The following MPHOSPH9 variants were observed in gnomAD, a reference collection of about 807,000 sequenced individuals.
MPHOSPH9 encodes M-phase phosphoprotein 9.
MPHOSPH9 carries 88 observed loss-of-function variants against 145.5 expected under a neutral mutation model. That is an observed-to-expected ratio of 0.60 (90% CI 0.51 to 0.72). The LOEUF (loss-of-function observed/expected upper bound fraction) is 0.72. Among genes scored for constraint, MPHOSPH9 ranks in the 30% least tolerant of loss-of-function variants. The pLI is 0.00. For synonymous variants in MPHOSPH9, 435 were observed against 486.2 expected (o/e 0.89, Z 1.39); for missense variants, 1,238 against 1,386.6 (o/e 0.89, Z 1.70).
chr12:123,233,434 G>A (rs1267801716), upstream of MPHOSPH9: 1 of 152,314 alleles, frequency 6.6e-6, no homozygotes, highest in Non-Finnish European at 1.5e-5. Context: ...TCGGAGTACG[G>A]CGCGTGCGCA....
At chr12:123,175,173 CG>C (rs1565910580) in intron 16 of MPHOSPH9, among the ~76,000 whole-genome samples, 1 of 150,324 alleles carries the variant, frequency 6.7e-6, no homozygotes, top group Non-Finnish European at 1.5e-5. Context: ...TTTTCTGAGA[CG>C]GAGTCTTGCT....
Position 123,194,433 on chromosome 12 carries a change from C to G in MPHOSPH9, c.2194G>C (p.Asp732His), listed in dbSNP as rs767434261. The change falls in exon 13 of 24, where the codon GAT becomes CAT. Residue 732 changes from aspartate (D) to histidine (H), a missense_variant. By Grantham distance (81) the Asp-to-His change is moderately conservative (BLOSUM62 -1). Around this residue, in one of 3 missense-constraint regions of MPHOSPH9, gnomAD observed 837 missense variants for 897.5 expected, o/e 0.93. Transcript: ENST00000606320. The part of the protein sequence containing the change: ...EAFENAYKLS[D>H]DKEAQLKQEN... ...TGTTTTAGTTGAGCTTCTTTATCAT[C>G]TGAGAGTTTGTAAGCATTCTCAAAT... is the stretch of plus-strand genomic sequence containing the variant. 1 of 1,608,052 alleles carries G rather than the reference C, an allele frequency of 6.2e-7. No homozygotes were observed. The highest frequency in any genetic ancestry group is 8.5e-7 in the Non-Finnish European group (1 of 1,177,994).
chr12:123,197,232 C>G (rs1201291354), intron 12 of MPHOSPH9, among the ~76,000 whole-genome samples: 1 of 151,600 alleles, frequency 6.6e-6, no homozygotes, highest in Non-Finnish European at 1.5e-5. Context: ...GCCCAGGCTA[C>G]AGTGCTGTGG....
chr12:123,230,636 A>G (rs769961365), intron 1 of MPHOSPH9, 114 bp from the exon 2 acceptor site: 4 of 278,418 alleles, frequency 1.4e-5, no homozygotes, highest in Non-Finnish European at 2.0e-5. Context: ...CATTAAGGAT[A>G]GCAACAGTAT....
intron 5 of MPHOSPH9, among the ~76,000 whole-genome samples, chr12:123,220,262 G>C (rs1326547779): frequency 6.6e-6 from 1 of 151,594 alleles, no homozygotes; most frequent in Non-Finnish European, 1.5e-5. Flanking sequence ...CTAGAAAAAA[G>C]AAAATAAAAA....
In MPHOSPH9 at chr12:123,159,056, G is replaced by A. The variant is rs940380035; in HGVS notation, c.3450+1725C>T. Among the ~76,000 whole-genome samples, 4 of 152,114 alleles carry A rather than the reference G, an allele frequency of 2.6e-5. No homozygotes were observed. The highest frequency in any genetic ancestry group is 4.8e-5 in the African/African-American group (2 of 41,422). ...CAGTGAGCCGAGATTGCGTCACTGC[G>A]CTCCAGCCTGGTGACACAGCGAGAC... is the stretch of plus-strand genomic sequence containing the variant. On this transcript the variant is annotated intron_variant, in intron 23 of 23. Coordinates refer to ENST00000606320, the MANE Select transcript of MPHOSPH9 (RefSeq NM_022782.4). This position sits in a 1 kb window ranked among gnomAD's most constrained non-coding sequence, Gnocchi z 4.3.
At chr12:123,160,750 T>C (rs2044070157) in intron 23 of MPHOSPH9, 31 bp downstream of exon 23, 1 of 1,603,830 alleles carries the variant, frequency 6.2e-7, no homozygotes, top group South Asian at 1.1e-5. Flanking sequence ...GCATCAAGCC[T>C]CTAAAGCAGA....
rs1489640945 is a variant in MPHOSPH9 at position 123,202,927 on chromosome 12, A to G, written c.1478T>C (p.Phe493Ser). The G allele has an allele frequency of 1.9e-6, 3 of 1,614,220 alleles. No homozygotes were observed. Among genetic ancestry groups the G allele is most frequent in the Admixed American group, 3.3e-5 (2 of 60,008 alleles). ...AGAAGTGACATTACTTGCTTGTGAAAATGAGTCTATGTCAGAGGGACTAGA... is the reference window on the plus strand; with the variant it reads ...AGAAGTGACATTACTTGCTTGTGAAGATGAGTCTATGTCAGAGGGACTAGA... Reference protein sequence around the residue: ...SMSSPSDIDSFSQASNVTSQL... With the variant: ...SMSSPSDIDSSSQASNVTSQL... Residue 493 changes from phenylalanine (F) to serine (S), a missense_variant, in exon 10 of 24, where the codon TTT becomes TCT. Physicochemically the swap from Phe to Ser is radical, Grantham distance 155. Around this residue, in one of 3 missense-constraint regions of MPHOSPH9, gnomAD observed 837 missense variants for 897.5 expected, o/e 0.93. Transcript: ENST00000606320.
Position 123,156,277 on chromosome 12 carries a change from G to A in MPHOSPH9, c.*530C>T, listed in dbSNP as rs1307863605. 1 of 152,142 alleles carries A rather than the reference G, an allele frequency of 6.6e-6. No homozygotes were observed. The highest frequency in any genetic ancestry group is 2.4e-5 in the African/African-American group (1 of 41,418). 9.4% of individuals were successfully genotyped at this position (152,142 alleles called of 1,614,324 possible). Reference sequence around the variant, plus strand: ...TCCAAGAGTCCATTATTACTATTCTGATATTCACTCTAAGACACGTTTCAA... The same window carrying A: ...TCCAAGAGTCCATTATTACTATTCTAATATTCACTCTAAGACACGTTTCAA... On this transcript the variant is annotated 3_prime_UTR_variant, in exon 24 of 24. Transcript: ENST00000606320.
At chr12:123,220,699 T>C (rs1292420499) in intron 5 of MPHOSPH9, among the ~76,000 whole-genome samples, 1 of 151,994 alleles carries the variant, frequency 6.6e-6, no homozygotes, top group Admixed American at 6.6e-5. Flanking sequence ...TAGGCTACAG[T>C]GAGCTATGAT....
At chr12:123,209,971 C>T in intron 8 of MPHOSPH9, 85 bp downstream of exon 8, 1 of 798,140 alleles carries the variant, frequency 1.3e-6, no homozygotes, top group Non-Finnish European at 2.0e-6. Context: ...CTCCTGACCT[C>T]ATGATCCGCC....
intron 13 of MPHOSPH9, among the ~76,000 whole-genome samples, chr12:123,184,620 CCT>C (rs1252616349): frequency 2.0e-5 from 3 of 151,854 alleles, no homozygotes; most frequent in Non-Finnish European, 2.9e-5. Context: ...GCCTCAGTCC[CCT>C]GAGTAGCTGG....
At chr12:123,190,298 G>A (rs1333774521) in intron 13 of MPHOSPH9, among the ~76,000 whole-genome samples, 2 of 151,694 alleles carry the variant, frequency 1.3e-5, no homozygotes, top group East Asian at 1.9e-4. Context: ...GACTACAGGC[G>A]CCCACCACCA....
chr12:123,204,508 C>A (rs910918228), intron 8 of MPHOSPH9, among the ~76,000 whole-genome samples: 2 of 152,144 alleles, frequency 1.3e-5, no homozygotes, highest in African/African-American at 2.4e-5. Flanking sequence ...AAGTCCCCCC[C>A]ACCCATCACT....
chr12:123,204,554 T>C (rs2046348349), intron 8 of MPHOSPH9, among the ~76,000 whole-genome samples: 2 of 151,970 alleles, frequency 1.3e-5, no homozygotes, highest in South Asian at 4.1e-4. Context: ...TGAAAATAAG[T>C]CCCTTTATTC....
chr12:123,214,543 C>CA (rs1375525568), intron 7 of MPHOSPH9, among the ~76,000 whole-genome samples: 1 of 151,944 alleles, frequency 6.6e-6, no homozygotes, highest in African/African-American at 2.4e-5. Flanking sequence ...TCTCAAAAAA[C>CA]AAAACAAACA....
At position 123,227,586 on chromosome 12, in the gene MPHOSPH9, T is replaced by C. The variant is rs1394401493; in HGVS notation, c.135A>G (p.Val45=). 3 of 1,532,090 alleles carry C rather than the reference T, an allele frequency of 2.0e-6. No homozygotes were observed. The East Asian group carries it at 7.3e-5, about 38-fold the overall frequency. 94.9% of individuals were successfully genotyped at this position (1,532,090 alleles called of 1,614,324 possible). A position where few individuals can be genotyped will look rare whatever the true frequency, so the allele number is the denominator to read the frequency against. ...RSSPHLSTNG[V]SSFSGKTRPS... ...GTCTGGTCTTCCCTGAGAAAGAGGA[T>C]ACCCCATTTGTACTAAGGTGGGGAC... Residue 45 remains valine, a synonymous_variant, in exon 3 of 24, where the codon GTA becomes GTG. Coordinates refer to ENST00000606320, the MANE Select transcript of MPHOSPH9 (RefSeq NM_022782.4).
At chr12:123,218,546 GAC>G in intron 5 of MPHOSPH9, 47 bp from the exon 6 acceptor site, 4 of 1,586,158 alleles carry the variant, frequency 2.5e-6, no homozygotes, top group South Asian at 1.1e-5. Context: ...TTTGTTTTGA[GAC>G]AGAGTCTTGC....
At chr12:123,196,690 C>T (rs1355552426) in intron 12 of MPHOSPH9, among the ~76,000 whole-genome samples, 2 of 152,006 alleles carry the variant, frequency 1.3e-5, no homozygotes, top group Non-Finnish European at 2.9e-5. Context: ...TAAAAACTTA[C>T]GTGGCACATA....
Sources: allele counts gnomAD v4.1 joint callset (sites outside exome capture counted in the v4.1 genomes callset), GRCh38; gene constraint gnomAD v4.1.1; regional missense constraint gnomAD v4.1.1; non-coding constraint Gnocchi (gnomAD v3.1); transcripts MANE v1.5; gene names NCBI Gene and HGNC (gene_info 2026-07-23, HGNC 2026-07-21).